PARP12: variants seen among roughly 807,000 people sequenced by gnomAD.
PARP12 encodes protein mono-ADP-ribosyltransferase PARP12.
A neutral mutation model predicts 72.4 loss-of-function variants in PARP12; 59 were observed. That is an observed-to-expected ratio of 0.81 (90% CI 0.66 to 1.01). The LOEUF (loss-of-function observed/expected upper bound fraction) is 1.01. Ranked by LOEUF, PARP12 falls within the 50% of genes least tolerant of loss-of-function variation. The probability of loss-of-function intolerance (pLI) is 0.00; values close to 1 mark genes in which losing one functional copy is unlikely to be tolerated. For missense variants in PARP12, 851 were observed against 914.0 expected (o/e 0.93, Z 0.89); for synonymous variants, 403 against 371.4 (o/e 1.09, Z -0.98).
chr7:140,025,156 T>C lies in PARP12; in HGVS notation c.1781-271A>G. 1.1e-5 allele frequency: 5 copies of C among 466,518 alleles called. No individual in the cohort carries two copies. The South Asian group carries it at 1.1e-4, about 10-fold the overall frequency. 28.9% of individuals were successfully genotyped at this position (466,518 alleles called of 1,614,324 possible). Reference sequence around the variant, plus strand: ...AGTTCCGGATCTGCCCCACGAAACCTAAAGGCCTGTGGACACGTCACTACT... The same window carrying C: ...AGTTCCGGATCTGCCCCACGAAACCCAAAGGCCTGTGGACACGTCACTACT... On this transcript the variant is annotated intron_variant, in intron 11 of 11. Coordinates refer to ENST00000263549, the MANE Select transcript of PARP12 (RefSeq NM_022750.4).
chr7:140,038,239 C>T, intron 6 of PARP12: 2 of 985,456 alleles, frequency 2.0e-6, no homozygotes, highest in East Asian at 1.1e-4. Flanking sequence ...CTGGTCTTAC[C>T]CGTCTATTCA....
At position 140,047,728 on chromosome 7, in the gene PARP12, C is replaced by G. The variant is rs182922593; in HGVS notation, c.863-721G>C. Among the ~76,000 whole-genome samples the G allele has an allele frequency of 2.1e-3, 320 of 152,194 alleles. 2 individuals are homozygous for G. Among genetic ancestry groups the G allele is most frequent in the African/African-American group, 7.2e-3 (297 of 41,514 alleles). On this transcript the variant is annotated intron_variant, in intron 4 of 11. Coordinates refer to ENST00000263549, the MANE Select transcript of PARP12 (RefSeq NM_022750.4). Reference sequence around the variant, plus strand: ...AACCTCCCAGGCTCAGGTGATCCTCCCATCTCAGCCTCCTCAGTAGCTGGG... The same window carrying G: ...AACCTCCCAGGCTCAGGTGATCCTCGCATCTCAGCCTCCTCAGTAGCTGGG...
At chr7:140,049,266 G>C (rs1816863649) in intron 4 of PARP12, among the ~76,000 whole-genome samples, 1 of 152,172 alleles carries the variant, frequency 6.6e-6, no homozygotes, top group Admixed American at 6.5e-5. Flanking sequence ...GTGCAACAAG[G>C]CTGAAAACAG....
chr7:140,046,453 G>A (rs576826060), intron 5 of PARP12, among the ~76,000 whole-genome samples: 3 of 152,288 alleles, frequency 2.0e-5, no homozygotes, highest in East Asian at 1.9e-4. Context: ...GCAGTTCAGC[G>A]GTATGGCTGT....
chr7:140,062,409 G>T, intron 1 of PARP12, 113 bp downstream of exon 1: 1 of 1,111,644 alleles, frequency 9.0e-7, no homozygotes, highest in Non-Finnish European at 1.2e-6. Context: ...CGAGGTCAGG[G>T]CAGAGCCACC....
intron 4 of PARP12, among the ~76,000 whole-genome samples, chr7:140,053,431 G>C (rs1817044763): frequency 6.6e-6 from 1 of 152,166 alleles, no homozygotes; most frequent in Non-Finnish European, 1.5e-5. Flanking sequence ...TCCTGGGCGT[G>C]ACAAACTAGG....
In PARP12 at chr7:140,041,707, G is replaced by A. The variant is rs370729461; in HGVS notation, c.1119C>T (p.Leu373=). The A allele has an allele frequency of 1.9e-6, 3 of 1,614,122 alleles. No individual in the cohort carries two copies. The highest frequency in any genetic ancestry group is 1.7e-6 in the Non-Finnish European group (2 of 1,180,048). ...SSVTKPPHFI[L]TTDWIWYWSD... ...TCCAGTACCAAATCCAGTCAGTGGT[G>A]AGGATGAAGTGTGGAGGTTTGGTGA... Residue 373 remains leucine, a synonymous_variant, in exon 6 of 12, where the codon CTC becomes CTT. Transcript: ENST00000263549.
intron 8 of PARP12, among the ~76,000 whole-genome samples, chr7:140,032,750 G>GA (rs1223734640): frequency 1.3e-5 from 2 of 152,004 alleles, no homozygotes; most frequent in Non-Finnish European, 2.9e-5. Context: ...TGTGCAAGAA[G>GA]AAAATACTTT....
chr7:140,041,921 G>A (rs1816490979), intron 5 of PARP12, 82 bp from the exon 6 acceptor site: 1 of 1,202,932 alleles, frequency 8.3e-7, no homozygotes. Context: ...CATATAGCTG[G>A]GAGATGCGAA....
chr7:140,034,964 G>C (rs1816091721), intron 7 of PARP12, among the ~76,000 whole-genome samples: 1 of 152,034 alleles, frequency 6.6e-6, no homozygotes, highest in Non-Finnish European at 1.5e-5. Context: ...TAAGAGATGG[G>C]GTCTTTTGCT....
At chr7:140,046,331 A>G (rs189004606) in intron 5 of PARP12, among the ~76,000 whole-genome samples, 9 of 152,378 alleles carry the variant, frequency 5.9e-5, no homozygotes, top group Admixed American at 3.3e-4. Flanking sequence ...AAAATATGTT[A>G]AGTATCTGAA....
chr7:140,059,274 G>A (rs182172907), intron 1 of PARP12, among the ~76,000 whole-genome samples: 1 of 152,298 alleles, frequency 6.6e-6, no homozygotes, highest in East Asian at 1.9e-4. Context: ...ACAGCAGTCA[G>A]TCGGTAAGCA....
At chr7:140,033,045 T>C (rs1179518841) in intron 8 of PARP12, 1 of 323,348 alleles carries the variant, frequency 3.1e-6, no homozygotes, top group African/African-American at 2.3e-5. Flanking sequence ...TTGACCTCCC[T>C]GGGCTCAGGT....
At chr7:140,062,451 C>G in intron 1 of PARP12, 71 bp downstream of exon 1, 1 of 1,424,758 alleles carries the variant, frequency 7.0e-7, no homozygotes, top group Non-Finnish European at 9.3e-7. Context: ...AGTAGGACCC[C>G]CAAGCGGGCT....
intron 2 of PARP12, 119 bp downstream of exon 2, chr7:140,057,780 G>C (rs779205278): frequency 2.3e-5 from 32 of 1,399,120 alleles, no homozygotes; most frequent in Non-Finnish European, 2.9e-5. Flanking sequence ...ATTTCTGCAG[G>C]TGGAAACCAG....
At position 140,041,740 on chromosome 7, in the gene PARP12, G is replaced by A; in HGVS notation, c.1086C>T (p.Ala362=). 6.2e-7 allele frequency: 1 copy of A among 1,614,154 alleles called. No individual in the cohort carries two copies. Among genetic ancestry groups the A allele is most frequent in the South Asian group, 1.1e-5 (1 of 91,088 alleles). Residue 362 remains alanine, a synonymous_variant, in exon 6 of 12, where the codon GCC becomes GCT. Coordinates refer to ENST00000263549, the MANE Select transcript of PARP12 (RefSeq NM_022750.4). ...GATQARRLST[A]SSVTKPPHFI... is the part of the protein sequence containing the mutation. ...AGTGTGGAGGTTTGGTGACAGAGGAGGCCGTGGAGAGGCGGCGAGCCTGGG... is the reference window on the plus strand; with the variant it reads ...AGTGTGGAGGTTTGGTGACAGAGGAAGCCGTGGAGAGGCGGCGAGCCTGGG...
At chr7:140,040,177 G>A (rs1182176275) in intron 6 of PARP12, among the ~76,000 whole-genome samples, 1 of 152,172 alleles carries the variant, frequency 6.6e-6, no homozygotes, top group African/African-American at 2.4e-5. Context: ...ATCTCCAGGA[G>A]AGCCGGGATT....
chr7:140,060,655 C>T (rs1179280271), intron 1 of PARP12, among the ~76,000 whole-genome samples: 9 of 152,190 alleles, frequency 5.9e-5, no homozygotes, highest in Non-Finnish European at 1.3e-4. Context: ...CAAATATGAA[C>T]ATGAAACAGA....
intron 2 of PARP12, 174 bp downstream of exon 2, chr7:140,057,725 A>G: frequency 1.1e-6 from 1 of 873,238 alleles, no homozygotes; most frequent in Non-Finnish European, 1.7e-6. Context: ...GTTGTTGGCA[A>G]AGCTGGCCCT....
Sources: gnomAD v4.1 joint callset for allele counts (sites outside exome capture counted in the v4.1 genomes callset) on GRCh38, gnomAD v4.1.1 for gene constraint, MANE v1.5 for transcripts, NCBI Gene and HGNC (gene_info 2026-07-23, HGNC 2026-07-21) for gene names.